Variants in LPP observed in about 807,000 individuals in gnomAD.
LPP encodes LIM domain containing preferred translocation partner in lipoma.
In LPP, 38 loss-of-function variants were observed where a neutral mutation model predicts 60.4. The observed-to-expected ratio is 0.63, with a 90% CI of 0.49 to 0.83. The LOEUF (loss-of-function observed/expected upper bound fraction) is 0.83, where lower values mean the gene tolerates loss of function less well. Ranked by LOEUF, LPP falls within the 40% of genes least tolerant of loss-of-function variation. LPP has a pLI of 0.00. For synonymous variants in LPP, 328 were observed against 290.8 expected (o/e 1.13, Z -1.30); for missense variants, 902 against 783.6 (o/e 1.15, Z -1.80).
At chr3:188,406,366 A>G (rs952306319) in intron 4 of LPP, 53 bp downstream of exon 4, 19 of 1,495,014 alleles carry the variant, frequency 1.3e-5, no homozygotes, top group Middle Eastern at 3.5e-4. Context: ...ATTCAGTTAT[A>G]TAGGTGATTT....
chr3:188,569,112 A>G (rs1179074186), intron 6 of LPP: 1 of 151,608 alleles, frequency 6.6e-6, no homozygotes, highest in Non-Finnish European at 1.5e-5. Context: ...AGGAATTTGA[A>G]GTATCTGGAA....
intron 8 of LPP, among the ~76,000 whole-genome samples, chr3:188,728,288 A>G (rs537582027): frequency 0.017 from 2,522 of 152,290 alleles, 54 homozygotes; most frequent in African/African-American, 0.057. Context: ...CACAAACATG[A>G]AAACAGAATG....
rs369005863 is a variant in LPP, at chr3:188,760,280, A to G, written c.1408A>G (p.Ile470Val). The change falls in exon 9 of 12, where the codon ATT becomes GTT. Residue 470 changes from isoleucine (I) to valine (V), a missense_variant and splice_region_variant. By Grantham distance (29) the Ile-to-Val change is conservative (BLOSUM62 3). Transcript: ENST00000617246. ...GAAAGCATACTGCGAGCCCTGCTAC[A>G]TTGTAAGTTCCAGATTTGTTCCTCA... Reference protein sequence around the residue: ...EKKAYCEPCYINTLEQCNVCS... With the variant: ...EKKAYCEPCYVNTLEQCNVCS... The G allele has an allele frequency of 5.6e-6, 9 of 1,614,014 alleles. No individual in the cohort carries two copies. The highest frequency in any genetic ancestry group is 2.2e-5 in the East Asian group (1 of 44,864).
chr3:188,404,862 C>T (rs1004630068), intron 3 of LPP, among the ~76,000 whole-genome samples: 1 of 152,206 alleles, frequency 6.6e-6, no homozygotes, highest in Non-Finnish European at 1.5e-5. Flanking sequence ...TGCTGGAGAG[C>T]TCTTGCAATC....
intron 4 of LPP, among the ~76,000 whole-genome samples, chr3:188,451,521 G>C (rs796633650): frequency 6.6e-6 from 1 of 152,098 alleles, no homozygotes; most frequent in East Asian, 1.9e-4. Context: ...AGGTACTTGG[G>C]AACAAAATTG....
chr3:188,307,520 T>G (rs1300662346), intron 2 of LPP, among the ~76,000 whole-genome samples: 2 of 152,256 alleles, frequency 1.3e-5, no homozygotes, highest in Non-Finnish European at 2.9e-5. Context: ...TGAGTATTTA[T>G]TGTTCTCTGA....
At chr3:188,427,863 T>C (rs1228460664) in intron 4 of LPP, among the ~76,000 whole-genome samples, 5 of 151,882 alleles carry the variant, frequency 3.3e-5, no homozygotes, top group African/African-American at 4.8e-5. Context: ...GGGGGTGGGG[T>C]CCACTGAGTT....
intron 2 of LPP, among the ~76,000 whole-genome samples, chr3:188,291,230 G>A (rs1179433292): frequency 2.0e-5 from 3 of 152,154 alleles, no homozygotes. Flanking sequence ...GTGTGCGTGT[G>A]TGTTTGTGAA....
chr3:188,612,007 T>A (rs1843813091), intron 7 of LPP, among the ~76,000 whole-genome samples: 2 of 152,242 alleles, frequency 1.3e-5, no homozygotes, highest in African/African-American at 4.8e-5. Context: ...AACTTTATTT[T>A]ACTTCTTATT....
intron 4 of LPP, among the ~76,000 whole-genome samples, chr3:188,442,422 A>G (rs1245990201): frequency 6.6e-6 from 1 of 152,192 alleles, no homozygotes; most frequent in Non-Finnish European, 1.5e-5. Flanking sequence ...GAGCCTTTTA[A>G]GTATTAGAAT....
intron 7 of LPP, among the ~76,000 whole-genome samples, chr3:188,660,667 T>TG (rs56025742): frequency 6.6e-6 from 1 of 151,636 alleles, no homozygotes; most frequent in Non-Finnish European, 1.5e-5. Flanking sequence ...TGTGTGTGTG[T>TG]TTTAAATAGG....
intron 2 of LPP, among the ~76,000 whole-genome samples, chr3:188,248,479 T>G (rs560299359): frequency 3.3e-4 from 43 of 128,504 alleles, no homozygotes; most frequent in South Asian, 7.5e-4. Context: ...TATATATATA[T>G]ATATATATAT....
intron 3 of LPP, among the ~76,000 whole-genome samples, chr3:188,375,088 G>A (rs990209285): frequency 3.9e-5 from 6 of 152,114 alleles, no homozygotes; most frequent in South Asian, 2.1e-4. Flanking sequence ...GCTTCTTGAC[G>A]TGCTGCTGGA....
chr3:188,258,582 A>G (rs1267690952), intron 2 of LPP, among the ~76,000 whole-genome samples: 1 of 152,148 alleles, frequency 6.6e-6, no homozygotes, highest in Non-Finnish European at 1.5e-5. Context: ...TGGCCTCCCA[A>G]AGTGCTGGAA....
rs138963849 is a variant in LPP at position 188,609,196 on chromosome 3, G to A, written c.465G>A (p.Ser155=). Residue 155 remains serine, a synonymous_variant, in exon 7 of 12, where the codon TCG becomes TCA. Coordinates refer to ENST00000617246, the MANE Select transcript of LPP (RefSeq NM_001375462.1). The surrounding 1 kb of genome is among the most constrained non-coding windows in gnomAD (Gnocchi z 6.9). Reference sequence around the variant, plus strand: ...GTTCAACAGCCTCTCCTCCAGTTTCGACCCCAGTCACAGGACACAAGAGAA... The same window carrying A: ...GTTCAACAGCCTCTCCTCCAGTTTCAACCCCAGTCACAGGACACAAGAGAA... The part of the protein sequence containing the change: ...STGSTASPPV[S]TPVTGHKRMV... 4.2e-4 allele frequency: 674 copies of A among 1,610,908 alleles called. 1 individual carries two copies. The highest frequency in any genetic ancestry group is 1.2e-3 in the South Asian group (108 of 90,930).
At position 188,288,423 on chromosome 3, in the gene LPP, C is replaced by G. The variant is rs368247583; in HGVS notation, c.-66-53240C>G. Among the ~76,000 whole-genome samples the G allele has an allele frequency of 5.9e-5, 9 of 152,082 alleles. No individual in the cohort carries two copies. The East Asian group carries it at 1.2e-3, about 20-fold the overall frequency. On this transcript the variant is annotated intron_variant, in intron 2 of 11. Coordinates refer to ENST00000617246, the MANE Select transcript of LPP (RefSeq NM_001375462.1). ...GTCTCCATTCTTAGAAATAGAAAAC[C>G]AAGTTGAAATGACTTGTTCCAGATG...
intron 7 of LPP, among the ~76,000 whole-genome samples, chr3:188,697,618 C>T (rs1863533611): frequency 6.6e-6 from 1 of 152,060 alleles, no homozygotes; most frequent in African/African-American, 2.4e-5. Flanking sequence ...GTCTGGAACC[C>T]CATGTTTTAT....
At chr3:188,486,122 A>G (rs919779489) in intron 5 of LPP, among the ~76,000 whole-genome samples, 1 of 152,156 alleles carries the variant, frequency 6.6e-6, no homozygotes, top group African/African-American at 2.4e-5. Flanking sequence ...ACAGTCTTTT[A>G]AACATATACC....
At chr3:188,388,585 C>T (rs984080001) in intron 3 of LPP, among the ~76,000 whole-genome samples, 2 of 152,122 alleles carry the variant, frequency 1.3e-5, no homozygotes, top group African/African-American at 4.8e-5. Context: ...AAAGAACCAC[C>T]TTGCTACATT....
Sources: gnomAD v4.1 joint callset for allele counts (sites outside exome capture counted in the v4.1 genomes callset) on GRCh38, gnomAD v4.1.1 for gene constraint, Gnocchi (gnomAD v3.1) non-coding constraint, MANE v1.5 for transcripts, NCBI Gene and HGNC (gene_info 2026-07-23, HGNC 2026-07-21) for gene names.